The following RUFY4 variants were observed in gnomAD, a reference collection of about 807,000 sequenced individuals.
RUFY4 encodes RUN and FYVE domain containing 4, also known as RUN and FYVE domain-containing protein 4.
RUFY4 carries 73 observed loss-of-function variants against 69.0 expected under a neutral mutation model. The observed-to-expected ratio is 1.06, with a 90% CI of 0.88 to 1.29. RUFY4 has a LOEUF of 1.29. RUFY4 is among the 50% of genes most tolerant of loss of function. The pLI is 0.00. For synonymous variants in RUFY4, 287 were observed against 271.8 expected, an observed-to-expected ratio of 1.06 and a Z score of -0.55; for missense variants, 770 against 705.6, an observed-to-expected ratio of 1.09 and a Z score of -1.03.
intron 10 of RUFY4, among the ~76,000 whole-genome samples, 163 bp downstream of exon 12, chr2:218,089,525 G>C (rs1689979899): frequency 1.3e-5 from 2 of 152,200 alleles, no homozygotes; most frequent in African/African-American, 4.8e-5. Flanking sequence ...CCAACACTAA[G>C]CAGAGCCATA....
In RUFY4 at chr2:218,089,263, G is replaced by T. The variant is rs766391824; in HGVS notation, c.1514G>T (p.Arg505Leu). 9 of 1,613,530 alleles carry T rather than the reference G, an allele frequency of 5.6e-6. No homozygotes were observed. The Admixed American group carries it at 1.2e-4, about 21-fold the overall frequency. ...CATCCCCCCATCAGAGAGAAGGACC[G>T]CCTGTGGCAGAGGCTCCAGCATCTC... is the stretch of plus-strand genomic sequence containing the variant. Residue 505 changes from arginine (R) to leucine (L), a missense_variant, in exon 10 of 11, where the codon CGC becomes CTC. Transcript: ENST00000344321.
chr2:218,063,985 T>C (rs935102314), intron 3 of RUFY4, among the ~76,000 whole-genome samples: 5 of 151,946 alleles, frequency 3.3e-5, no homozygotes, highest in Non-Finnish European at 7.4e-5. Flanking sequence ...GTCCCCAAAC[T>C]CTAAGGCTTC....
upstream of RUFY4, among the ~76,000 whole-genome samples, chr2:218,065,351 G>C (rs953669588): frequency 6.6e-5 from 10 of 152,380 alleles, no homozygotes; most frequent in African/African-American, 2.4e-4. Flanking sequence ...AGAGGGGCGA[G>C]GAAGGAGGAA....
At chr2:218,065,196 G>A (rs905132225), upstream of RUFY4, among the ~76,000 whole-genome samples, 18 of 152,104 alleles carry the variant, frequency 1.2e-4, no homozygotes, top group Admixed American at 1.3e-4. Flanking sequence ...AAAATTAGTC[G>A]TGGCCCCACT....
At chr2:218,087,077 AT>A (rs1308346091) in intron 9 of RUFY4, among the ~76,000 whole-genome samples, 3 of 152,128 alleles carry the variant, frequency 2.0e-5, no homozygotes, top group Admixed American at 6.5e-5. Context: ...TTATTCATTA[AT>A]TTTTTTCAGT....
At chr2:218,089,562 A>C in intron 10 of RUFY4, 200 bp downstream of exon 12, 1 of 647,726 alleles carries the variant, frequency 1.5e-6, no homozygotes, top group Non-Finnish European at 2.8e-6. Flanking sequence ...GGATCAGATA[A>C]GGAATGGGGT....
rs773231038 is a variant in RUFY4 at position 218,073,335 on chromosome 2, A to T, written c.479A>T (p.Glu160Val). The T allele has an allele frequency of 6.9e-6, 11 of 1,583,716 alleles. 1 individual carries two copies. In the African/African-American group the frequency reaches 1.3e-4, roughly 19 times the overall value. The change falls in exon 5 of 11, where the codon GAG becomes GTG. Residue 160 changes from glutamate to valine, a missense_variant. Physicochemically the swap from Glu to Val is moderately radical, Grantham distance 121 (BLOSUM62 -2). Transcript: ENST00000344321. The stretch of plus-strand genomic sequence containing the variant: ...TATGCTCTCAATGGGGTGGCCTTCG[A>T]GTTGGACCTCCAGCAGCCAGACCTG...
rs1377565161 is a variant in RUFY4, at chr2:218,070,817, C to T, written c.111C>T (p.Ala37=). 4.6e-5 allele frequency: 70 copies of T among 1,537,100 alleles called. No homozygotes were observed. The Admixed American group carries it at 9.8e-4, about 22-fold the overall frequency. The change falls in exon 2 of 11, where the codon GCC becomes GCT. Residue 37 remains alanine, a synonymous_variant. Coordinates refer to ENST00000344321, the Ensembl canonical transcript of RUFY4. ...AGGGGCCAGTGACGGACACCAGTGC[C>T]GAGCTGCACAGACTCTGTGGCTGCC... is the stretch of plus-strand genomic sequence containing the variant.
intron 9 of RUFY4, among the ~76,000 whole-genome samples, chr2:218,086,400 C>T (rs1296948397): frequency 1.3e-5 from 2 of 152,196 alleles, no homozygotes; most frequent in Admixed American, 1.3e-4. Flanking sequence ...TTAGATACAT[C>T]ATTATGAAAT....
At chr2:218,084,803 TTTAGGAAG>T (rs1689852617) in intron 9 of RUFY4, among the ~76,000 whole-genome samples, 1 of 152,084 alleles carries the variant, frequency 6.6e-6, no homozygotes, top group Non-Finnish European at 1.5e-5. Flanking sequence ...ATCCCAGCAC[TTTAGGAAG>T]GTGAGGTGGA....
upstream of RUFY4, among the ~76,000 whole-genome samples, chr2:218,068,240 G>A (rs1240735380): frequency 6.6e-6 from 1 of 151,518 alleles, no homozygotes; most frequent in Non-Finnish European, 1.5e-5. Context: ...GGAGGGCAGG[G>A]GACTGGAGGG....
At chr2:218,060,314 C>A in intron 3 of RUFY4, 1 of 1,509,202 alleles carries the variant, frequency 6.6e-7, no homozygotes, top group Non-Finnish European at 8.9e-7. Context: ...AGGAACCCCA[C>A]GGGACTGCAC....
intron 8 of RUFY4, among the ~76,000 whole-genome samples, chr2:218,077,908 C>G (rs1436683319): frequency 6.6e-6 from 1 of 152,210 alleles, no homozygotes. Flanking sequence ...GGGTTCAAGA[C>G]AGTCTGGGAG....
intron 2 of RUFY4, among the ~76,000 whole-genome samples, chr2:218,050,784 C>A (rs1415609161): frequency 6.6e-6 from 1 of 152,098 alleles, no homozygotes; most frequent in East Asian, 1.9e-4. Flanking sequence ...CATGCAATGA[C>A]CATTGTTTTC....
At chr2:218,064,730 G>A (rs1689283024), upstream of RUFY4, among the ~76,000 whole-genome samples, 1 of 151,680 alleles carries the variant, frequency 6.6e-6, no homozygotes, top group African/African-American at 2.4e-5. Flanking sequence ...AGGGGCAATT[G>A]GGGCTTCCAG....
At chr2:218,061,927 AC>A (rs777424451) in intron 3 of RUFY4, among the ~76,000 whole-genome samples, 1 of 152,202 alleles carries the variant, frequency 6.6e-6, no homozygotes, top group Non-Finnish European at 1.5e-5. Flanking sequence ...CTCTTTGTGC[AC>A]CCTTCTGAAA....
At chr2:218,069,819 T>C (rs1689438777), upstream of RUFY4, among the ~76,000 whole-genome samples, 1 of 152,052 alleles carries the variant, frequency 6.6e-6, no homozygotes, top group South Asian at 2.1e-4. Context: ...CTCTAGGATC[T>C]CAGAATAAGG....
chr2:218,090,075 T>G, exon 11 of RUFY4: 1 of 1,476,950 alleles, frequency 6.8e-7, no homozygotes, highest in South Asian at 1.2e-5. Flanking sequence ...GACCAGCCCA[T>G]GACTGGCCTC....
At chr2:218,084,834 G>A (rs1689853937) in intron 9 of RUFY4, among the ~76,000 whole-genome samples, 6 of 152,130 alleles carry the variant, frequency 3.9e-5, no homozygotes, top group Admixed American at 3.9e-4. Context: ...AATCACCTGA[G>A]GTCAGGAGTT....
Sources: gnomAD v4.1 joint callset for allele counts (sites outside exome capture counted in the v4.1 genomes callset) on GRCh38, gnomAD v4.1.1 for gene constraint, MANE v1.5 for transcripts, NCBI Gene and HGNC (gene_info 2026-07-23, HGNC 2026-07-21) for gene names.